Variants in TNR observed in about 807,000 individuals in gnomAD.
TNR encodes the protein tenascin-R.
TNR carries 45 observed loss-of-function variants against 150.4 expected under a neutral mutation model. The observed-to-expected ratio is 0.30, with a 90% CI of 0.24 to 0.38. The LOEUF (loss-of-function observed/expected upper bound fraction) is 0.38. Ranked by LOEUF, TNR falls within the 10% of genes least tolerant of loss-of-function variation. TNR has a pLI of 1.00. For synonymous variants in TNR, 687 were observed against 678.4 expected (o/e 1.01, Z -0.20); for missense variants, 1,544 against 1,759.1 (o/e 0.88, Z 2.19).
intron 8 of TNR, 148 bp downstream of exon 8, chr1:175,385,884 C>G (rs1652892518): frequency 1.1e-6 from 1 of 894,852 alleles, no homozygotes; most frequent in Non-Finnish European, 1.6e-6. Flanking sequence ...CTGGAAACCT[C>G]TTGCTTCCTT....
At chr1:175,718,143 G>A (rs1667203263) in intron 1 of TNR, among the ~76,000 whole-genome samples, 1 of 152,088 alleles carries the variant, frequency 6.6e-6, no homozygotes, top group Admixed American at 6.5e-5. Flanking sequence ...GGGAATTCTG[G>A]AGCAGTGAAA....
At chr1:175,635,427 A>G (rs1267516812) in intron 1 of TNR, among the ~76,000 whole-genome samples, 2 of 152,250 alleles carry the variant, frequency 1.3e-5, no homozygotes, top group South Asian at 2.1e-4. Flanking sequence ...TCAGCCAGAT[A>G]ATTCCAATAT....
intron 7 of TNR, among the ~76,000 whole-genome samples, chr1:175,388,977 G>A (rs929087784): frequency 1.3e-5 from 2 of 152,232 alleles, no homozygotes; most frequent in Non-Finnish European, 2.9e-5. Context: ...CAACTGCAAT[G>A]TTTTCTATCC....
chr1:175,519,295 T>C (rs1193034349), intron 2 of TNR, among the ~76,000 whole-genome samples: 1 of 152,230 alleles, frequency 6.6e-6, no homozygotes, highest in Non-Finnish European at 1.5e-5. Flanking sequence ...TTCCAGTGTG[T>C]GTGTTCAGGG....
At chr1:175,552,738 C>T (rs1442952538) in intron 1 of TNR, among the ~76,000 whole-genome samples, 2 of 152,178 alleles carry the variant, frequency 1.3e-5, no homozygotes, top group African/African-American at 4.8e-5. Flanking sequence ...CCCTGTCTGT[C>T]CACCACATCA....
In TNR at chr1:175,628,873, G is replaced by A. The variant is rs1664239621; in HGVS notation, c.-164-100504C>T. Among the ~76,000 whole-genome samples the A allele has an allele frequency of 2.6e-5, 4 of 152,196 alleles. No homozygotes were observed. The South Asian group carries it at 8.3e-4, about 32-fold the overall frequency. On this transcript the variant is annotated intron_variant, in intron 1 of 22. Coordinates refer to ENST00000367674, the MANE Select transcript of TNR (RefSeq NM_003285.3). ...CTCTGGGCCTGCAGTGGGGCTTCTT[G>A]TGGCCATCGAGGTTAAGTCATGAAG...
At chr1:175,727,679 G>A (rs1339739929) in intron 1 of TNR, among the ~76,000 whole-genome samples, 1 of 152,226 alleles carries the variant, frequency 6.6e-6, no homozygotes, top group African/African-American at 2.4e-5. Flanking sequence ...GGAAGCCTGA[G>A]ATGGTGTGGT....
chr1:175,700,061 C>T (rs539529836), intron 1 of TNR, among the ~76,000 whole-genome samples: 92 of 151,642 alleles, frequency 6.1e-4, no homozygotes, highest in African/African-American at 2.2e-3. Flanking sequence ...GGACAGCTGC[C>T]GGACCACCAT....
chr1:175,610,121 G>C (rs1356015862), intron 1 of TNR, among the ~76,000 whole-genome samples: 1 of 152,172 alleles, frequency 6.6e-6, no homozygotes, highest in Non-Finnish European at 1.5e-5. Flanking sequence ...ATATATCTCA[G>C]AACAAATCTT....
chr1:175,733,403 T>G (rs527755172), intron 1 of TNR, among the ~76,000 whole-genome samples: 1 of 152,230 alleles, frequency 6.6e-6, no homozygotes, highest in South Asian at 2.1e-4. Flanking sequence ...CAAAGAAGGA[T>G]GCTGCTTGGG....
chr1:175,533,928 T>C (rs138981375), intron 1 of TNR, among the ~76,000 whole-genome samples: 1 of 152,196 alleles, frequency 6.6e-6, no homozygotes, highest in African/African-American at 2.4e-5. Context: ...TTGATGACTG[T>C]ACCAGCAGCA....
intron 2 of TNR, among the ~76,000 whole-genome samples, chr1:175,501,443 G>A (rs780607905): frequency 2.6e-5 from 4 of 152,128 alleles, no homozygotes; most frequent in Non-Finnish European, 4.4e-5. Context: ...GAATGAGCTT[G>A]GAAGAGGCCC....
At position 175,515,331 on chromosome 1, in the gene TNR, A is replaced by G. The variant is rs570464700; in HGVS notation, c.-64+12938T>C. Reference sequence around the variant, plus strand: ...GAGAAAGATCTGTGCTCCCGCATATAGTATTGAATGCTCTGTTCAATAATT... The same window carrying G: ...GAGAAAGATCTGTGCTCCCGCATATGGTATTGAATGCTCTGTTCAATAATT... On this transcript the variant is annotated intron_variant, in intron 2 of 22. Transcript: ENST00000367674. Among the ~76,000 whole-genome samples, 9 of 152,360 alleles carry G rather than the reference A, an allele frequency of 5.9e-5. No homozygotes were observed. The East Asian group carries it at 1.5e-3, about 26-fold the overall frequency.
chr1:175,489,604 G>T (rs1262963403), intron 2 of TNR, among the ~76,000 whole-genome samples: 1 of 152,160 alleles, frequency 6.6e-6, no homozygotes, highest in Non-Finnish European at 1.5e-5. Context: ...AAACACTAGG[G>T]CTCATGGGAG....
chr1:175,399,968 A>G lies in TNR; in HGVS notation c.977-3161T>C, dbSNP rs2298916. ...CAGTCCTGACAGAGCAGAGGCTGAC[A>G]CTGATGAATCTCCGCAGGTCTGACT... On this transcript the variant is annotated intron_variant, in intron 4 of 22. Transcript: ENST00000367674. Among the ~76,000 whole-genome samples, 20 of 152,362 alleles carry G rather than the reference A, an allele frequency of 1.3e-4. No homozygotes were observed. In the East Asian group the frequency reaches 3.9e-3, roughly 29 times the overall value.
chr1:175,403,250 C>T lies in TNR; in HGVS notation c.866G>A (p.Gly289Asp). Residue 289 changes from glycine (G) to aspartate (D), a missense_variant, in exon 4 of 23, where the codon GGT (glycine) becomes GAT (aspartate). Coordinates refer to ENST00000367674, the MANE Select transcript of TNR (RefSeq NM_003285.3). ...ACACTGCCGCTGGCCGCAGTCCTCA[C>T]CAACGTAGCCCTCCTCGCATAAACA... ...GTCLCEEGYV[G>D]EDCGQRQCLN... The T allele has an allele frequency of 6.2e-7, 1 of 1,614,192 alleles. No homozygotes were observed. Among genetic ancestry groups the T allele is most frequent in the Non-Finnish European group, 8.5e-7 (1 of 1,180,042 alleles).
At chr1:175,658,683 C>A (rs752315442) in intron 1 of TNR, among the ~76,000 whole-genome samples, 5 of 152,200 alleles carry the variant, frequency 3.3e-5, no homozygotes, top group Non-Finnish European at 7.4e-5. Flanking sequence ...CCACTCAAAC[C>A]TTTGGTGGGG....
intron 1 of TNR, among the ~76,000 whole-genome samples, chr1:175,602,736 G>A (rs994453244): frequency 1.3e-5 from 2 of 152,174 alleles, no homozygotes; most frequent in Non-Finnish European, 2.9e-5. Flanking sequence ...GTTATTAGAA[G>A]GAGGAAGAAG....
At chr1:175,514,568 AG>A (rs1036730883) in intron 2 of TNR, among the ~76,000 whole-genome samples, 1 of 152,248 alleles carries the variant, frequency 6.6e-6, no homozygotes, top group African/African-American at 2.4e-5. Context: ...CATGGTTCCC[AG>A]GGAAACAGTC....
Sources: allele counts gnomAD v4.1 joint callset (sites outside exome capture counted in the v4.1 genomes callset), GRCh38; gene constraint gnomAD v4.1.1; transcripts MANE v1.5; gene names NCBI Gene and HGNC (gene_info 2026-07-23, HGNC 2026-07-21).